The following CCDC9B variants were observed in gnomAD, a reference collection of about 807,000 sequenced individuals.
CCDC9B encodes the protein coiled-coil domain-containing protein 9B.
A neutral mutation model predicts 47.2 loss-of-function variants in CCDC9B; 40 were observed. That is an observed-to-expected ratio of 0.85 (90% CI 0.66 to 1.10). CCDC9B has a LOEUF of 1.10. CCDC9B is among the 50% of genes least tolerant of loss of function. The pLI is 0.00. For synonymous variants in CCDC9B, 238 were observed against 250.7 expected (o/e 0.95, Z 0.48); for missense variants, 662 against 651.0 (o/e 1.02, Z -0.18).
chr15:40,339,886 C>T lies in CCDC9B; in HGVS notation c.123+19G>A. On this transcript the variant is annotated intron_variant, in intron 2 of 10. Transcript: ENST00000397536. ...CGGCAGCCAAGTGGTTTCTCCTGGC[C>T]CTGTGGCAGCCCACTCACCTGGTAC... 2 of 1,585,420 alleles carry T rather than the reference C, an allele frequency of 1.3e-6. No homozygotes were observed. The highest frequency in any genetic ancestry group is 8.7e-7 in the Non-Finnish European group (1 of 1,154,588).
In CCDC9B at chr15:40,335,689, G is replaced by A; in HGVS notation, c.942C>T (p.Ser314=). The A allele has an allele frequency of 6.4e-7, 1 of 1,560,504 alleles. No individual in the cohort carries two copies. The highest frequency in any genetic ancestry group is 8.7e-7 in the Non-Finnish European group (1 of 1,151,048). The part of the protein sequence containing the change: ...EELEGQEGSQ[S]TRETPSEEEQ... ...CCTCCTCACTGGGAGTCTCTCTGGT[G>A]CTTTGGCTTCCCTGAAACAAGAGAA... The change falls in exon 11 of 11, where the codon AGC becomes AGT. Residue 314 remains serine (S), a synonymous_variant. Transcript: ENST00000397536.
intron 9 of CCDC9B, chr15:40,336,093 G>A: frequency 3.0e-6 from 3 of 985,406 alleles, no homozygotes; most frequent in Non-Finnish European, 3.6e-6. Context: ...CCATCTCCTT[G>A]CCAAAGAAAC....
chr15:40,336,947 G>T, intron 7 of CCDC9B, 134 bp from the exon 8 acceptor site: 1 of 788,300 alleles, frequency 1.3e-6, no homozygotes, highest in South Asian at 1.6e-5. Context: ...AAGCGCCCTC[G>T]CCTGGGGGTC....
chr15:40,340,710 C>T (rs1889073070), intron 1 of CCDC9B, 98 bp downstream of exon 1: 2 of 1,169,394 alleles, frequency 1.7e-6, no homozygotes, highest in Non-Finnish European at 2.4e-6. Flanking sequence ...TCCTCCCAGC[C>T]CCAGCTGTCC....
chr15:40,340,036 A>G, intron 1 of CCDC9B, 21 bp from the exon 2 acceptor site: 1 of 1,517,376 alleles, frequency 6.6e-7, no homozygotes, highest in Non-Finnish European at 9.1e-7. Context: ...AGGGAACCCA[A>G]GCTCCTGACT....
In CCDC9B at chr15:40,335,293, G is replaced by T; in HGVS notation, c.1338C>A (p.Asp446Glu). The T allele has an allele frequency of 6.2e-7, 1 of 1,612,436 alleles. No homozygotes were observed. The highest frequency in any genetic ancestry group is 1.1e-5 in the South Asian group (1 of 91,036). The change falls in exon 11 of 11, where the codon GAC becomes GAA. Residue 446 changes from aspartate to glutamate, a missense_variant. Transcript: ENST00000397536. Reference sequence around the variant, plus strand: ...GCTGGGCCCCAGACTTGCCAGACCTGTCTTCTCCGGGCTCTGGGAGCCCTG... The same window carrying T: ...GCTGGGCCCCAGACTTGCCAGACCTTTCTTCTCCGGGCTCTGGGAGCCCTG... Reference protein sequence around the residue: ...RGAGLPEPGEDRSGKSGAQQG... With the variant: ...RGAGLPEPGEERSGKSGAQQG...
chr15:40,340,073 A>C (rs1310067723), intron 1 of CCDC9B, 58 bp from the exon 2 acceptor site: 1 of 1,081,598 alleles, frequency 9.2e-7, no homozygotes, highest in East Asian at 2.4e-5. Flanking sequence ...ACCAGTCCCC[A>C]GCTTTCACAT....
intron 7 of CCDC9B, 108 bp downstream of exon 7, chr15:40,337,280 C>T: frequency 9.3e-7 from 1 of 1,077,748 alleles, no homozygotes; most frequent in Non-Finnish European, 1.4e-6. Flanking sequence ...TCCAACGCTT[C>T]CTTTCAGCTC....
intron 5 of CCDC9B, chr15:40,338,253 C>A: frequency 1.5e-6 from 1 of 649,232 alleles, no homozygotes; most frequent in South Asian, 1.8e-5. Flanking sequence ...TGGCACTTGG[C>A]CAGTCAACTC....
chr15:40,335,310 G>A lies in CCDC9B; in HGVS notation c.1321C>T (p.Pro441Ser). The part of the protein sequence containing the change: ...CPEPQRGAGL[P>S]EPGEDRSGKS... ...CCAGACCTGTCTTCTCCGGGCTCTG[G>A]GAGCCCTGCTCCTCTCTGTGGCTCA... Residue 441 changes from proline to serine, a missense_variant, in exon 11 of 11, where the codon CCA (proline) becomes TCA (serine). Transcript: ENST00000397536. 6.2e-7 allele frequency: 1 copy of A among 1,613,416 alleles called. No individual in the cohort carries two copies. The highest frequency in any genetic ancestry group is 8.5e-7 in the Non-Finnish European group (1 of 1,179,702).
rs925838881 is a variant in CCDC9B, at chr15:40,332,339, T to C, written c.*2819A>G. On this transcript the variant is annotated 3_prime_UTR_variant, in exon 11 of 11. Coordinates refer to ENST00000397536, the MANE Select transcript of CCDC9B (RefSeq NM_207380.3). ...CACCATAACTACCACTTCCTTATCTTGAAGAAGAGCTCTCCTTTTTTGAAA... is the reference window on the plus strand; with the variant it reads ...CACCATAACTACCACTTCCTTATCTCGAAGAAGAGCTCTCCTTTTTTGAAA... The C allele has an allele frequency of 1.3e-5, 2 of 152,218 alleles. No homozygotes were observed. The highest frequency in any genetic ancestry group is 4.8e-5 in the African/African-American group (2 of 41,444). 9.4% of individuals were successfully genotyped at this position (152,218 alleles called of 1,614,324 possible). A position where few individuals can be genotyped will look rare whatever the true frequency, so the allele number is the denominator to read the frequency against.
Position 40,338,591 on chromosome 15 carries a change from G to C in CCDC9B, c.457C>G (p.Arg153Gly), listed in dbSNP as rs757434009. ...NQGIEGSPGGRVTRSPPTQVA... is the reference protein window; with the variant it reads ...NQGIEGSPGGGVTRSPPTQVA... ...TGCGTGGGGGGGCTTCGGGTCACAC[G>C]CCCTCCAGGTGACCCCTCTATGCCT... The change falls in exon 5 of 11, where the codon CGT (arginine) becomes GGT (glycine). Residue 153 changes from arginine (R) to glycine (G), a missense_variant. Transcript: ENST00000397536. 1.2e-6 allele frequency: 2 copies of C among 1,614,106 alleles called. No homozygotes were observed. Among genetic ancestry groups the C allele is most frequent in the Non-Finnish European group, 1.7e-6 (2 of 1,179,996 alleles).
rs1316832642 is a variant in CCDC9B at position 40,335,274 on chromosome 15, C to T, written c.1357G>A (p.Ala453Thr). 1 of 1,608,386 alleles carries T rather than the reference C, an allele frequency of 6.2e-7. No homozygotes were observed. The highest frequency in any genetic ancestry group is 8.5e-7 in the Non-Finnish European group (1 of 1,176,582). Residue 453 changes from alanine (A) to threonine (T), a missense_variant, in exon 11 of 11, where the codon GCC becomes ACC. Transcript: ENST00000397536. ...CTTCTCGGGGCCAGGCCCTGCTGGGCCCCAGACTTGCCAGACCTGTCTTCT... is the reference window on the plus strand; with the variant it reads ...CTTCTCGGGGCCAGGCCCTGCTGGGTCCCAGACTTGCCAGACCTGTCTTCT... Reference protein sequence around the residue: ...PGEDRSGKSGAQQGLAPRSRP... With the variant: ...PGEDRSGKSGTQQGLAPRSRP...
chr15:40,336,327 C>T (rs1415961846), intron 9 of CCDC9B: 19 of 985,320 alleles, frequency 1.9e-5, no homozygotes, highest in Non-Finnish European at 2.2e-5. Flanking sequence ...GCCTGCAATG[C>T]CTGGGAAAGG....
intron 9 of CCDC9B, 51 bp from the exon 10 acceptor site, chr15:40,335,877 A>G (rs753268886): frequency 1.3e-6 from 2 of 1,583,822 alleles, no homozygotes; most frequent in South Asian, 1.2e-5. Flanking sequence ...CTCCAGAGCC[A>G]TGTCCCCCTG....
chr15:40,338,578 C>G lies in CCDC9B; in HGVS notation c.470G>C (p.Ser157Thr). The G allele has an allele frequency of 6.2e-7, 1 of 1,614,132 alleles. No homozygotes were observed. Among genetic ancestry groups the G allele is most frequent in the Non-Finnish European group, 8.5e-7 (1 of 1,180,010 alleles). The part of the protein sequence containing the change: ...EGSPGGRVTR[S>T]PPTQVAISSD... Reference sequence around the variant, plus strand: ...GCTGATGGCCACCTGCGTGGGGGGGCTTCGGGTCACACGCCCTCCAGGTGA... The same window carrying G: ...GCTGATGGCCACCTGCGTGGGGGGGGTTCGGGTCACACGCCCTCCAGGTGA... Residue 157 changes from serine to threonine, a missense_variant, in exon 5 of 11, where the codon AGC becomes ACC. By Grantham distance (58) the Ser-to-Thr change is moderately conservative. Coordinates refer to ENST00000397536, the MANE Select transcript of CCDC9B (RefSeq NM_207380.3).
In CCDC9B at chr15:40,339,938, G is replaced by A; in HGVS notation, c.90C>T (p.Arg30=). 1 of 1,613,800 alleles carries A rather than the reference G, an allele frequency of 6.2e-7. No homozygotes were observed. Among genetic ancestry groups the A allele is most frequent in the Non-Finnish European group, 8.5e-7 (1 of 1,179,848 alleles). The change falls in exon 2 of 11, where the codon CGC becomes CGT. Residue 30 remains arginine, a synonymous_variant. Coordinates refer to ENST00000397536, the MANE Select transcript of CCDC9B (RefSeq NM_207380.3). ...AELDRRIVAL[R]KKNQALLRRY... ...TGCGGAGCAAGGCCTGGTTCTTCTT[G>A]CGCAGGGCAACTATCCTCCGATCCA...
chr15:40,339,482 A>G, intron 3 of CCDC9B, 30 bp downstream of exon 3: 2 of 1,611,102 alleles, frequency 1.2e-6, no homozygotes, highest in South Asian at 2.2e-5. Flanking sequence ...CCTCCTTGCT[A>G]CGAGCCCTGT....
At chr15:40,337,977 C>T (rs892959114) in intron 5 of CCDC9B, 84 bp from the exon 6 acceptor site, 14 of 1,356,890 alleles carry the variant, frequency 1.0e-5, no homozygotes, top group Non-Finnish European at 1.4e-5. Context: ...CGCTTCCTCT[C>T]TCAAGGTTTC....
Sources: gnomAD v4.1 joint callset for allele counts on GRCh38, gnomAD v4.1.1 for gene constraint, MANE v1.5 for transcripts, NCBI Gene and HGNC (gene_info 2026-07-23, HGNC 2026-07-21) for gene names.